APC: variants seen among roughly 807,000 people sequenced by gnomAD.
APC encodes adenomatous polyposis coli protein.
Under a neutral mutation model 247.0 loss-of-function variants are expected in APC, and 72 were observed. That is an observed-to-expected ratio of 0.29 (90% confidence interval 0.24 to 0.35). The LOEUF is 0.35. Ranked by LOEUF, APC falls within the 10% of genes least tolerant of loss-of-function variation. APC has a pLI of 1.00. For missense variants in APC, 3,400 were observed against 3,360.7 expected, an observed-to-expected ratio of 1.01 and a Z score of -0.29; for synonymous variants, 1,254 against 1,162.5, an observed-to-expected ratio of 1.08 and a Z score of -1.60.
At chr5:112,804,671 C>T (rs567448726) in intron 8 of APC, among the ~76,000 whole-genome samples, 18 of 152,322 alleles carry the variant, frequency 1.2e-4, no homozygotes, top group African/African-American at 3.8e-4. Context: ...AGCCACTGCG[C>T]CCGGCCAATT....
Position 112,828,987 on chromosome 5 carries a change from A to G in APC, c.1743+15A>G, listed in dbSNP as rs749922540. 2.4e-5 allele frequency: 37 copies of G among 1,539,190 alleles called. No homozygotes were observed. In the South Asian group the frequency reaches 4.1e-4, roughly 17 times the overall value. Reference sequence around the variant, plus strand: ...AAGTTAAAAAGGTACCTTTGAAAACATTTAGTACTATAATATGAATTTCAT... The same window carrying G: ...AAGTTAAAAAGGTACCTTTGAAAACGTTTAGTACTATAATATGAATTTCAT... On this transcript the variant is annotated intron_variant, in intron 14 of 15. Transcript: ENST00000257430.
intron 1 of APC, among the ~76,000 whole-genome samples, 168 bp downstream of exon 1, chr5:112,738,093 A>G (rs1183142853): frequency 6.6e-6 from 1 of 152,044 alleles, no homozygotes; most frequent in Non-Finnish European, 1.5e-5. Context: ...GCAGCACTGG[A>G]GATGGATTTC....
chr5:112,758,492 A>G (rs1755246748), intron 2 of APC, among the ~76,000 whole-genome samples: 1 of 152,018 alleles, frequency 6.6e-6, no homozygotes, highest in African/African-American at 2.4e-5. Flanking sequence ...ACGCCCGGCT[A>G]ATTTTTATAT....
At chr5:112,798,793 TAA>T (rs1760478670) in intron 7 of APC, among the ~76,000 whole-genome samples, 1 of 152,232 alleles carries the variant, frequency 6.6e-6, no homozygotes, top group Non-Finnish European at 1.5e-5. Flanking sequence ...TAGTAAATGT[TAA>T]ATGGTAGTTT....
rs1580329587 is a variant in APC, at chr5:112,767,359, A to G, written c.391A>G (p.Thr131Ala). The G allele has an allele frequency of 1.2e-6, 2 of 1,614,122 alleles. No homozygotes were observed. Among genetic ancestry groups the G allele is most frequent in the Non-Finnish European group, 1.7e-6 (2 of 1,179,964 alleles). Residue 131 changes from threonine to alanine, a missense_variant, in exon 4 of 16, where the codon ACT becomes GCT. By Grantham distance (58) the Thr-to-Ala change is moderately conservative. Transcript: ENST00000257430. ...GTTTGTAAATGGAAGCAGAGAAAGT[A>G]CTGGATATTTAGAAGAACTTGAGAA... ...RGFVNGSRES[T>A]GYLEELEKER...
intron 1 of APC, chr5:112,708,015 TCC>T: frequency 1.1e-6 from 1 of 899,220 alleles, no homozygotes; most frequent in Non-Finnish European, 1.5e-6. Context: ...CCCTCTCCCC[TCC>T]CCGCACTCCC....
At chr5:112,710,943 C>T (rs1040606569) in intron 1 of APC, among the ~76,000 whole-genome samples, 11 of 152,236 alleles carry the variant, frequency 7.2e-5, no homozygotes, top group Non-Finnish European at 8.8e-5. Context: ...GTGCTTTGCA[C>T]TCGTACTGCC....
At chr5:112,740,127 A>G (rs1418331263) in intron 1 of APC, among the ~76,000 whole-genome samples, 2 of 152,216 alleles carry the variant, frequency 1.3e-5, no homozygotes, top group Non-Finnish European at 2.9e-5. Context: ...TGAAAAGGCA[A>G]TCCTACTTGG....
intron 2 of APC, among the ~76,000 whole-genome samples, chr5:112,758,599 C>T (rs1466887407): frequency 1.3e-5 from 2 of 152,024 alleles, no homozygotes; most frequent in Non-Finnish European, 2.9e-5. Context: ...GCTGGGATTA[C>T]AGGCATGAGC....
chr5:112,829,108 C>G (rs935998611), intron 14 of APC, 136 bp downstream of exon 14: 3 of 664,964 alleles, frequency 4.5e-6, no homozygotes, highest in African/African-American at 3.7e-5. Context: ...TCATGTTTAG[C>G]TTTTTTTGCT....
intron 4 of APC, among the ~76,000 whole-genome samples, chr5:112,775,222 T>G (rs745821943): frequency 6.6e-6 from 1 of 152,204 alleles, no homozygotes; most frequent in African/African-American, 2.4e-5. Context: ...TAATAGCTTC[T>G]TATATTCTGG....
Position 112,826,453 on chromosome 5 carries a change from TC to T in APC, c.1409-654del, listed in dbSNP as rs373300332. ...TGTTTAGCATTTTCAGTGGAAAGAA[TC>T]AGGGGAAAGAAAATACTAAATCTTA... On this transcript the variant is annotated intron_variant, in intron 11 of 15. Transcript: ENST00000257430. 3.3e-5 allele frequency among the ~76,000 whole-genome samples: 5 copies of T among 152,204 alleles called. No individual in the cohort carries two copies. In the East Asian group the frequency reaches 9.6e-4, roughly 29 times the overall value.
intron 9 of APC, among the ~76,000 whole-genome samples, chr5:112,817,166 G>A (rs1021079548): frequency 3.9e-5 from 6 of 152,130 alleles, no homozygotes; most frequent in Middle Eastern, 3.4e-3. Context: ...GACCACACCC[G>A]GCCCATCAGA....
At chr5:112,752,807 A>G (rs1166680002) in intron 1 of APC, among the ~76,000 whole-genome samples, 1 of 152,122 alleles carries the variant, frequency 6.6e-6, no homozygotes, top group Non-Finnish European at 1.5e-5. Flanking sequence ...TTTTTTCCAT[A>G]AAGTTAGATT....
At chr5:112,746,732 T>A (rs1340809347) in intron 1 of APC, among the ~76,000 whole-genome samples, 1 of 152,196 alleles carries the variant, frequency 6.6e-6, no homozygotes, top group African/African-American at 2.4e-5. Flanking sequence ...AATAGTGAAA[T>A]AATATGCCAT....
chr5:112,713,087 C>G (rs892238248), intron 1 of APC, among the ~76,000 whole-genome samples: 16 of 149,422 alleles, frequency 1.1e-4, no homozygotes, highest in African/African-American at 3.2e-4. Context: ...AGGAGAATCA[C>G]TTGAACCCAG....
chr5:112,818,355 A>G (rs191781613), intron 9 of APC, among the ~76,000 whole-genome samples: 2 of 152,308 alleles, frequency 1.3e-5, no homozygotes, highest in Non-Finnish European at 2.9e-5. Context: ...TTGCTTTTTA[A>G]AAAACTGACT....
intron 4 of APC, among the ~76,000 whole-genome samples, chr5:112,769,809 G>A (rs979524733): frequency 6.6e-6 from 1 of 152,120 alleles, no homozygotes; most frequent in African/African-American, 2.4e-5. Context: ...TTTCTCTCCA[G>A]TTTCATATAT....
At position 112,841,031 on chromosome 5, in the gene APC, A is replaced by C; in HGVS notation, c.5437A>C (p.Lys1813Gln). 6.2e-7 allele frequency: 1 copy of C among 1,610,964 alleles called. No individual in the cohort carries two copies. The highest frequency in any genetic ancestry group is 8.5e-7 in the Non-Finnish European group (1 of 1,177,238). Residue 1813 changes from lysine (K) to glutamine (Q), a missense_variant, in exon 16 of 16, where the codon AAA becomes CAA. By Grantham distance (53) the Lys-to-Gln change is moderately conservative. Coordinates refer to ENST00000257430, the MANE Select transcript of APC (RefSeq NM_000038.6). This position sits in a 1 kb window ranked among gnomAD's most constrained non-coding sequence, Gnocchi z 4.6. ...RVFSDNKDSK[K>Q]QNLKNNSKVF... ...TTTCTCAGACAACAAAGATTCAAAG[A>C]AACAGAATTTGAAAAATAATTCCAA...
Sources: allele counts gnomAD v4.1 joint callset (sites outside exome capture counted in the v4.1 genomes callset), GRCh38; gene constraint gnomAD v4.1.1; non-coding constraint Gnocchi (gnomAD v3.1); transcripts MANE v1.5; gene names NCBI Gene and HGNC (gene_info 2026-07-23, HGNC 2026-07-21).